MTM1: variants seen among roughly 807,000 people sequenced by gnomAD.
MTM1 encodes the protein myotubularin 1, also known as myotubularin.
MTM1 carries 9 observed loss-of-function variants against 52.1 expected under a neutral mutation model. The observed-to-expected ratio is 0.17, with a 90% CI of 0.10 to 0.30. MTM1 has a LOEUF of 0.30. Ranked by LOEUF, MTM1 falls within the 10% of genes least tolerant of loss-of-function variation. MTM1 has a pLI of 1.00. For missense variants in MTM1, 277 were observed against 470.7 expected, an observed-to-expected ratio of 0.59 and a Z score of 3.81; for synonymous variants, 136 against 163.8, an observed-to-expected ratio of 0.83 and a Z score of 1.29.
At chrX:150,598,478 A>G in intron 3 of MTM1, 114 bp from the exon 4 acceptor site, 1 of 495,835 alleles carries the variant, frequency 2.0e-6, no homozygotes, top group Admixed American at 3.5e-5. Flanking sequence ...CTTTTCAGTA[A>G]TTTTTAAAAT....
At chrX:150,617,734 A>C (rs782489813) in intron 5 of MTM1, among the ~76,000 whole-genome samples, 1 of 112,161 alleles carries the variant, frequency 8.9e-6, no homozygotes, top group South Asian at 3.7e-4. Context: ...TCTTGAGATA[A>C]GGAAGGAAAA....
intron 1 of MTM1, among the ~76,000 whole-genome samples, chrX:150,585,474 T>A (rs1557412213): frequency 8.9e-6 from 1 of 112,639 alleles, no homozygotes; most frequent in African/African-American, 3.2e-5. Context: ...TATAACTATT[T>A]ATACGTTTCT....
chrX:150,590,436 G>A (rs2038863644), intron 1 of MTM1, among the ~76,000 whole-genome samples: 1 of 111,830 alleles, frequency 8.9e-6, no homozygotes, highest in African/African-American at 3.3e-5. Flanking sequence ...GGTTGCTGGA[G>A]GATTGGGAGT....
At position 150,620,843 on chromosome X, in the gene MTM1, G is replaced by A. The variant is rs999092551; in HGVS notation, c.444+1704G>A. ...TCTGAGAATCATGAGCTCATCTGGC[G>A]CAGTGGCTCACGCCTGTAATCCCAG... On this transcript the variant is annotated intron_variant, in intron 6 of 14. Coordinates refer to ENST00000370396, the MANE Select transcript of MTM1 (RefSeq NM_000252.3). Among the ~76,000 whole-genome samples, 5 of 111,319 alleles carry A rather than the reference G, an allele frequency of 4.5e-5. No homozygotes were observed. The East Asian group carries it at 8.5e-4, about 19-fold the overall frequency.
At chrX:150,629,769 G>GA (rs1557413505) in intron 6 of MTM1, among the ~76,000 whole-genome samples, 1 of 111,237 alleles carries the variant, frequency 9.0e-6, no homozygotes, top group Non-Finnish European at 1.9e-5. Context: ...GGGTATACAG[G>GA]AAAAAATCTC....
chrX:150,627,790 A>G (rs782416635), intron 6 of MTM1, among the ~76,000 whole-genome samples: 2 of 111,565 alleles, frequency 1.8e-5, no homozygotes, highest in African/African-American at 3.3e-5. Context: ...ACTGAAGGCA[A>G]TTTTACCAAG....
At chrX:150,585,087 A>G (rs111488621) in intron 1 of MTM1, among the ~76,000 whole-genome samples, 3 of 97,703 alleles carry the variant, frequency 3.1e-5, no homozygotes, top group African/African-American at 7.9e-5. Context: ...GAGAGAGAGA[A>G]AGAGTGTGTG....
chrX:150,583,817 T>C (rs376861996), intron 1 of MTM1, among the ~76,000 whole-genome samples: 1 of 50,946 alleles, frequency 2.0e-5, no homozygotes, highest in African/African-American at 7.2e-5. Context: ...ATATATATAT[T>C]AAATATACAA....
At chrX:150,593,840 GCC>G (rs782052399) in intron 2 of MTM1, among the ~76,000 whole-genome samples, 2 of 110,247 alleles carry the variant, frequency 1.8e-5, no homozygotes, top group South Asian at 7.9e-4. Context: ...GATGGCGTGC[GCC>G]CATAGTTCCA....
At chrX:150,574,115 G>A (rs1269622883) in intron 1 of MTM1, among the ~76,000 whole-genome samples, 2 of 111,716 alleles carry the variant, frequency 1.8e-5, no homozygotes, top group Middle Eastern at 4.6e-3. Flanking sequence ...AGGACTGACC[G>A]TTGGTGCTGG....
At chrX:150,640,685 A>G (rs1285434645) in intron 7 of MTM1, among the ~76,000 whole-genome samples, 1 of 111,758 alleles carries the variant, frequency 8.9e-6, no homozygotes, top group Non-Finnish European at 1.9e-5. Context: ...CTATAGGGCA[A>G]TCATCGATTC....
chrX:150,662,108 TGAGA>T (rs1239756788), intron 13 of MTM1, among the ~76,000 whole-genome samples: 10 of 111,015 alleles, frequency 9.0e-5, no homozygotes, highest in Admixed American at 2.9e-4. Context: ...GGAAAAGAGG[TGAGA>T]GAGAGCACTT....
intron 14 of MTM1, among the ~76,000 whole-genome samples, chrX:150,667,761 G>A (rs1557415008): frequency 8.9e-6 from 1 of 112,087 alleles, no homozygotes; most frequent in East Asian, 2.8e-4. Flanking sequence ...ATGGGCCTTT[G>A]TAACCAGAGC....
At chrX:150,614,819 G>C (rs1399108377) in intron 5 of MTM1, 120 bp downstream of exon 5, 2 of 471,527 alleles carry the variant, frequency 4.2e-6, no homozygotes, top group Non-Finnish European at 7.3e-6. Context: ...TAAGGCCCTG[G>C]AAATGGTTCT....
chrX:150,617,237 C>T (rs1427114941), intron 5 of MTM1, among the ~76,000 whole-genome samples: 1 of 112,202 alleles, frequency 8.9e-6, no homozygotes, highest in Non-Finnish European at 1.9e-5. Flanking sequence ...TAGAGATGGT[C>T]TAATTTCTGG....
chrX:150,589,402 A>G (rs2038845187), intron 1 of MTM1, among the ~76,000 whole-genome samples: 2 of 111,986 alleles, frequency 1.8e-5, no homozygotes. Flanking sequence ...TGTAGTTAAC[A>G]TATATATACG....
chrX:150,607,011 C>T (rs933999366), intron 4 of MTM1, among the ~76,000 whole-genome samples: 1 of 92,787 alleles, frequency 1.1e-5, no homozygotes, highest in Admixed American at 1.2e-4. Flanking sequence ...TTTGAGACAG[C>T]TCTGTTGCCC....
intron 6 of MTM1, among the ~76,000 whole-genome samples, chrX:150,623,443 G>A (rs1462655687): frequency 9.0e-6 from 1 of 110,556 alleles, no homozygotes; most frequent in Non-Finnish European, 1.9e-5. Flanking sequence ...AAATGATCTC[G>A]GGGTGACGGG....
chrX:150,610,403 C>A (rs113749707), intron 4 of MTM1, among the ~76,000 whole-genome samples: 83 of 91,949 alleles, frequency 9.0e-4, no homozygotes, highest in Non-Finnish European at 1.7e-3. Flanking sequence ...GACAGACAGA[C>A]AGAGACAGAG....
Sources: allele counts gnomAD v4.1 joint callset (sites outside exome capture counted in the v4.1 genomes callset), GRCh38; gene constraint gnomAD v4.1.1; transcripts MANE v1.5; gene names NCBI Gene and HGNC (gene_info 2026-07-23, HGNC 2026-07-21).